The following HIVEP3 variants were observed in gnomAD, a reference collection of about 807,000 sequenced individuals.
HIVEP3 encodes the protein HIVEP zinc finger 3.
HIVEP3 carries 49 observed loss-of-function variants against 152.8 expected under a neutral mutation model. The observed-to-expected ratio is 0.32, with a 90% CI of 0.26 to 0.41. HIVEP3 has a LOEUF of 0.41. Ranked by LOEUF, HIVEP3 falls within the 10% of genes least tolerant of loss-of-function variation. HIVEP3 has a pLI of 1.00. For synonymous variants in HIVEP3, 1,269 were observed against 1,289.0 expected, an observed-to-expected ratio of 0.98 and a Z score of 0.33; for missense variants, 2,790 against 3,103.3, an observed-to-expected ratio of 0.90 and a Z score of 2.40.
chr1:42,017,617 A>C (rs1391120051), intron 1 of HIVEP3, among the ~76,000 whole-genome samples: 1 of 151,956 alleles, frequency 6.6e-6, no homozygotes, highest in East Asian at 1.9e-4. Flanking sequence ...ACATATTCTC[A>C]TTTCTGTATA....
intron 1 of HIVEP3, among the ~76,000 whole-genome samples, chr1:41,993,642 A>G (rs933036642): frequency 6.6e-6 from 1 of 152,178 alleles, no homozygotes; most frequent in African/African-American, 2.4e-5. Flanking sequence ...CAGCCATCCC[A>G]TTACTGGGTA....
intron 5 of HIVEP3, among the ~76,000 whole-genome samples, chr1:41,526,395 C>T (rs1642911532): frequency 6.8e-6 from 1 of 146,424 alleles, no homozygotes; most frequent in African/African-American, 2.5e-5. Flanking sequence ...CACACTCACA[C>T]ATGCCCACAC....
chr1:41,721,040 G>A (rs1646666556), intron 1 of HIVEP3, among the ~76,000 whole-genome samples: 1 of 152,216 alleles, frequency 6.6e-6, no homozygotes, highest in South Asian at 2.1e-4. Context: ...GGAGCTGGGG[G>A]AACGGGAAAT....
chr1:41,866,559 CT>C (rs1175019258), intron 1 of HIVEP3, among the ~76,000 whole-genome samples: 4 of 152,096 alleles, frequency 2.6e-5, no homozygotes, highest in African/African-American at 9.7e-5. Flanking sequence ...AGGACCAAGC[CT>C]GCTTGCCAGG....
At chr1:41,569,491 G>A (rs576084648) in intron 5 of HIVEP3, among the ~76,000 whole-genome samples, 1 of 152,252 alleles carries the variant, frequency 6.6e-6, no homozygotes, top group East Asian at 1.9e-4. Flanking sequence ...TAAATACACA[G>A]AGGTAACACA....
chr1:41,705,259 G>A (rs777730509), intron 1 of HIVEP3, among the ~76,000 whole-genome samples: 46 of 152,184 alleles, frequency 3.0e-4, no homozygotes, highest in Non-Finnish European at 6.2e-4. Flanking sequence ...CTTTCTCTAC[G>A]CTCTCATCTC....
intron 1 of HIVEP3, chr1:41,848,292 G>A (rs544957139): frequency 6.6e-6 from 1 of 152,344 alleles, no homozygotes; most frequent in East Asian, 1.9e-4. Context: ...TATTCTAAAA[G>A]CTGTTGGACT....
chr1:41,701,016 G>A (rs1361591744), intron 1 of HIVEP3, 21 bp from the exon 2 acceptor site: 2 of 964,510 alleles, frequency 2.1e-6, no homozygotes, highest in African/African-American at 1.8e-5. Flanking sequence ...TAGAGAAAGT[G>A]AGAATATTAT....
chr1:41,746,981 G>A (rs184581317), intron 1 of HIVEP3, among the ~76,000 whole-genome samples: 73 of 152,152 alleles, frequency 4.8e-4, no homozygotes, highest in African/African-American at 1.7e-3. Flanking sequence ...CCCCCGGCTC[G>A]AGGATCCATG....
At chr1:41,594,419 C>T (rs1382363673) in intron 3 of HIVEP3, among the ~76,000 whole-genome samples, 1 of 152,038 alleles carries the variant, frequency 6.6e-6, no homozygotes, top group East Asian at 1.9e-4. Context: ...GATGGGGTTT[C>T]ACCATGGCGG....
At chr1:41,782,598 G>A (rs1350247328) in intron 1 of HIVEP3, among the ~76,000 whole-genome samples, 1 of 152,044 alleles carries the variant, frequency 6.6e-6, no homozygotes, top group East Asian at 1.9e-4. Context: ...TGGGCGTGGT[G>A]GTGGGCACCT....
At chr1:41,710,776 C>T (rs1487554164) in intron 1 of HIVEP3, among the ~76,000 whole-genome samples, 1 of 152,220 alleles carries the variant, frequency 6.6e-6, no homozygotes, top group Admixed American at 6.5e-5. Flanking sequence ...AGCCTGACTC[C>T]CCAATCCCTG....
At chr1:41,679,542 G>C (rs1646007498) in intron 2 of HIVEP3, among the ~76,000 whole-genome samples, 1 of 152,226 alleles carries the variant, frequency 6.6e-6, no homozygotes, top group African/African-American at 2.4e-5. Flanking sequence ...ATTTGGGGAG[G>C]GGACTGGTGG....
chr1:42,023,945 T>C (rs1645568746), intron 1 of HIVEP3, among the ~76,000 whole-genome samples: 1 of 152,240 alleles, frequency 6.6e-6, no homozygotes, highest in African/African-American at 2.4e-5. Context: ...TTATCTGTAG[T>C]GTCTCCTTCG....
At chr1:41,522,842 C>T (rs1254867250) in intron 6 of HIVEP3, among the ~76,000 whole-genome samples, 3 of 152,226 alleles carry the variant, frequency 2.0e-5, no homozygotes, top group African/African-American at 7.2e-5. Flanking sequence ...GCAGCCCAGG[C>T]TGCGTGTGGG....
rs1645183518 is a variant in HIVEP3 at position 41,963,940 on chromosome 1, AGAGT to A, written n.120-45420_120-45417del. ...CTACTGCTTTATTCTGACCCAAGAAAGAGTATTAAAATGCAAGTGAGTGAAAATG... is the reference window on the plus strand; with the variant it reads ...CTACTGCTTTATTCTGACCCAAGAAAATTAAAATGCAAGTGAGTGAAAATG... On this transcript the variant is annotated intron_variant and non_coding_transcript_variant, in intron 1 of 3. Transcript: ENST00000489103. Among the ~76,000 whole-genome samples the A allele has an allele frequency of 2.6e-5, 4 of 152,362 alleles. No homozygotes were observed. In the South Asian group the frequency reaches 8.3e-4, roughly 32 times the overall value.
chr1:41,605,095 ACT>A (rs750708217), intron 3 of HIVEP3, among the ~76,000 whole-genome samples: 31 of 128,638 alleles, frequency 2.4e-4, no homozygotes, highest in Admixed American at 9.9e-4. Context: ...ACAGAATGAG[ACT>A]CTGTCTCCAA....
intron 1 of HIVEP3, among the ~76,000 whole-genome samples, chr1:41,969,521 C>G (rs1283346438): frequency 1.3e-5 from 2 of 152,140 alleles, no homozygotes; most frequent in East Asian, 1.9e-4. Context: ...AAAATTGAAA[C>G]TGGACCCACT....
Position 41,628,828 on chromosome 1 carries a change from C to T in HIVEP3, c.-601G>A, listed in dbSNP as rs935465255. On this transcript the variant is annotated 5_prime_UTR_variant, in exon 3 of 9. Coordinates refer to ENST00000372583, the MANE Select transcript of HIVEP3 (RefSeq NM_024503.5). ...AAGCCAGCATTCATGTCCACTCCTACGGCAGCCACCCTCCACCTAGGCGCC... is the reference window on the plus strand; with the variant it reads ...AAGCCAGCATTCATGTCCACTCCTATGGCAGCCACCCTCCACCTAGGCGCC... The T allele has an allele frequency of 2.1e-5, 26 of 1,231,950 alleles. No individual in the cohort carries two copies. The Middle Eastern group carries it at 9.4e-4, about 44-fold the overall frequency. The allele number at this position is 1,231,950 out of a possible 1,614,324, so 76.3% of individuals were successfully genotyped here.
Sources: gnomAD v4.1 joint callset for allele counts (sites outside exome capture counted in the v4.1 genomes callset) on GRCh38, gnomAD v4.1.1 for gene constraint, MANE v1.5 for transcripts, NCBI Gene and HGNC (gene_info 2026-07-23, HGNC 2026-07-21) for gene names.